AREL1: variants seen among roughly 807,000 people sequenced by gnomAD.
The protein encoded by AREL1 is apoptosis-resistant E3 ubiquitin protein ligase 1.
Under a neutral mutation model 99.0 loss-of-function variants are expected in AREL1, and 62 were observed. That is an observed-to-expected ratio of 0.63 (90% CI 0.51 to 0.77). AREL1 has a LOEUF of 0.77. AREL1 is among the 30% of genes least tolerant of loss of function. The pLI, the probability that AREL1 is intolerant of heterozygous loss-of-function variation, is 0.00. For missense variants in AREL1, 879 were observed against 1,027.6 expected, an observed-to-expected ratio of 0.86 and a Z score of 1.98; for synonymous variants, 380 against 376.5, an observed-to-expected ratio of 1.01 and a Z score of -0.11.
intron 8 of AREL1, among the ~76,000 whole-genome samples, chr14:74,674,613 T>TA (rs1381279155): frequency 4.6e-4 from 70 of 151,958 alleles, no homozygotes; most frequent in African/African-American, 1.6e-3. Context: ...AAAAATAAAA[T>TA]AAATAAAAAA....
intron 1 of AREL1, among the ~76,000 whole-genome samples, chr14:74,700,412 CAAAAAGAACTTCCAGAAGGGGGG>C (rs1171380339): frequency 4.6e-5 from 7 of 152,072 alleles, no homozygotes; most frequent in Non-Finnish European, 8.8e-5. Context: ...ACTGATGTAT[CAAAAAGAACTTCCAGAAGGGGGG>C]AAAAAGATAT....
chr14:74,662,481 A>G lies in AREL1; in HGVS notation c.*1239T>C. On this transcript the variant is annotated 3_prime_UTR_variant, in exon 20 of 20. Coordinates refer to ENST00000356357, the MANE Select transcript of AREL1 (RefSeq NM_001039479.2). ...ATTATTTTCAATCAAACAGTAATGA[A>G]AAAGGATGTTGTCATCTTCCAAGAT... The G allele has an allele frequency of 2.5e-6, 1 of 398,876 alleles. No individual in the cohort carries two copies. Among genetic ancestry groups the G allele is most frequent in the Non-Finnish European group, 4.4e-6 (1 of 225,990 alleles). The allele number at this position is 398,876 out of a possible 1,614,324, so 24.7% of individuals were successfully genotyped here. A position where few individuals can be genotyped will look rare whatever the true frequency, so the allele number is the denominator to read the frequency against.
intron 1 of AREL1, among the ~76,000 whole-genome samples, chr14:74,694,207 GC>G (rs1358279916): frequency 1.3e-5 from 2 of 151,552 alleles, no homozygotes; most frequent in Non-Finnish European, 2.9e-5. Flanking sequence ...AATAAATAAT[GC>G]CAACAGACTT....
chr14:74,677,692 A>G (rs2139896689), intron 5 of AREL1, among the ~76,000 whole-genome samples: 1 of 151,642 alleles, frequency 6.6e-6, no homozygotes, highest in East Asian at 1.9e-4. Flanking sequence ...TAGTAGAGAC[A>G]GCGTTTCACC....
chr14:74,700,560 C>T (rs1230135130), intron 1 of AREL1, among the ~76,000 whole-genome samples: 3 of 152,160 alleles, frequency 2.0e-5, no homozygotes, highest in East Asian at 1.9e-4. Context: ...AGGTGGATCA[C>T]GAGTTCAGGA....
chr14:74,698,348 T>C (rs2090013716), intron 1 of AREL1, among the ~76,000 whole-genome samples: 1 of 152,222 alleles, frequency 6.6e-6, no homozygotes, highest in Admixed American at 6.5e-5. Flanking sequence ...ACACGTGTCA[T>C]TTATCTTCTG....
chr14:74,677,830 A>G (rs1470567322), intron 5 of AREL1, among the ~76,000 whole-genome samples: 5 of 151,926 alleles, frequency 3.3e-5, no homozygotes, highest in East Asian at 3.8e-4. Context: ...AAAAAAAAAA[A>G]AGAGGAAAAA....
chr14:74,665,432 G>A (rs938673653), intron 17 of AREL1, among the ~76,000 whole-genome samples: 1 of 152,030 alleles, frequency 6.6e-6, no homozygotes, highest in Non-Finnish European at 1.5e-5. Context: ...TGCTACTATG[G>A]ATTATTTTTA....
At position 74,676,591 on chromosome 14, in the gene AREL1, T is replaced by C. The variant is rs959766998; in HGVS notation, c.643A>G (p.Ile215Val). The C allele has an allele frequency of 3.7e-6, 6 of 1,612,790 alleles. No individual in the cohort carries two copies. The Admixed American group carries it at 6.7e-5, about 18-fold the overall frequency. The change falls in exon 6 of 20, where the codon ATT becomes GTT. Residue 215 changes from isoleucine to valine, a missense_variant. Ile to Val is a conservative substitution (Grantham distance 29, BLOSUM62 3). Coordinates refer to ENST00000356357, the MANE Select transcript of AREL1 (RefSeq NM_001039479.2). ...LRDEHNYTLSIHELGPQEEES... is the reference protein window; with the variant it reads ...LRDEHNYTLSVHELGPQEEES... ...GAAGGGAGACTGCTTACCTCATGAA[T>C]GGACAAGGTGTAATTGTGCTCATCT...
rs1332525891 is a variant in AREL1, at chr14:74,664,576, A to G, written c.2193+260T>C. 2.8e-5 allele frequency among the ~76,000 whole-genome samples: 4 copies of G among 144,570 alleles called. No homozygotes were observed. In the East Asian group the frequency reaches 6.1e-4, roughly 22 times the overall value. The allele number at this position is 144,570 out of a possible 152,430, so 94.8% of individuals were successfully genotyped here. A position where few individuals can be genotyped will look rare whatever the true frequency, so the allele number is the denominator to read the frequency against. ...ATTCTCCTGCCTCAGCCTCTCGAGT[A>G]GCTGGGACTACAGGCATGTGCCACC... is the stretch of plus-strand genomic sequence containing the variant. On this transcript the variant is annotated intron_variant, in intron 18 of 19. Coordinates refer to ENST00000356357, the MANE Select transcript of AREL1 (RefSeq NM_001039479.2).
At chr14:74,687,763 T>A (rs945052330) in intron 2 of AREL1, among the ~76,000 whole-genome samples, 5 of 152,286 alleles carry the variant, frequency 3.3e-5, no homozygotes, top group Non-Finnish European at 7.4e-5. Context: ...TAATGATTAT[T>A]ACAATTATTA....
intron 17 of AREL1, among the ~76,000 whole-genome samples, chr14:74,666,488 T>C (rs956031065): frequency 1.3e-5 from 2 of 152,168 alleles, no homozygotes; most frequent in Non-Finnish European, 2.9e-5. Flanking sequence ...ATATACTATA[T>C]ACTGTTTTGG....
At position 74,667,598 on chromosome 14, in the gene AREL1, T is replaced by A. The variant is rs1380829277; in HGVS notation, c.1915-4A>T. ...CACCTGTCATGAGTTCTACAACCTG[T>A]AACAGGCAGCAAAAGACAGACAAGG... is the stretch of plus-strand genomic sequence containing the variant. On this transcript the variant is annotated splice_region_variant and splice_polypyrimidine_tract_variant and intron_variant, in intron 15 of 19. Transcript: ENST00000356357. The A allele has an allele frequency of 6.2e-7, 1 of 1,600,592 alleles. No individual in the cohort carries two copies.
At chr14:74,712,866 T>A in intron 1 of AREL1, 67 bp downstream of exon 1, 1 of 493,868 alleles carries the variant, frequency 2.0e-6, no homozygotes, top group Non-Finnish European at 3.8e-6. Flanking sequence ...TTTTCCTCCC[T>A]CTCTCTCTGG....
In AREL1 at chr14:74,683,507, G is replaced by A. The variant is rs1274084665; in HGVS notation, c.270C>T (p.Phe90=). The A allele has an allele frequency of 4.3e-6, 7 of 1,614,016 alleles. No individual in the cohort carries two copies. The highest frequency in any genetic ancestry group is 2.7e-5 in the African/African-American group (2 of 74,900). The change falls in exon 5 of 20, where the codon TTC becomes TTT. Residue 90 remains phenylalanine, a synonymous_variant. Coordinates refer to ENST00000356357, the MANE Select transcript of AREL1 (RefSeq NM_001039479.2). ...VHLFYKNGQP[F]PAHRPVGLRV... is the part of the protein sequence containing the mutation. Reference sequence around the variant, plus strand: ...TTAGTCCCACAGGCCGATGTGCAGGGAAAGGCTGCCCGTTCTTATAGAATA... The same window carrying A: ...TTAGTCCCACAGGCCGATGTGCAGGAAAAGGCTGCCCGTTCTTATAGAATA...
At position 74,667,483 on chromosome 14, in the gene AREL1, C is replaced by A. The variant is rs2089234802; in HGVS notation, c.2026G>T (p.Val676Leu). 3 of 1,613,470 alleles carry A rather than the reference C, an allele frequency of 1.9e-6. No individual in the cohort carries two copies. The highest frequency in any genetic ancestry group is 2.5e-6 in the Non-Finnish European group (3 of 1,179,596). The change falls in exon 16 of 20, where the codon GTG (valine) becomes TTG (leucine). Residue 676 changes from valine (V) to leucine (L), a missense_variant. Coordinates refer to ENST00000356357, the MANE Select transcript of AREL1 (RefSeq NM_001039479.2). ...YRLASQVKEE[V>L]EHFLKGLNEL... ...ATCCCACCTTTTAGGAAATGTTCCA[C>A]CTCCTCTTTCACTTGACTGGCCAGC...
At chr14:74,664,173 C>CACTTT in intron 18 of AREL1, 99 bp from the exon 19 acceptor site, 5 of 1,363,032 alleles carry the variant, frequency 3.7e-6, no homozygotes, top group Non-Finnish European at 5.0e-6. Context: ...GGCTGTGCCC[C>CACTTT]AGTTACCGTT....
At chr14:74,703,783 T>TA (rs2090128284) in intron 1 of AREL1, among the ~76,000 whole-genome samples, 1 of 152,194 alleles carries the variant, frequency 6.6e-6, no homozygotes, top group Non-Finnish European at 1.5e-5. Flanking sequence ...GTATCATAGA[T>TA]AAAGCTGCTA....
intron 2 of AREL1, among the ~76,000 whole-genome samples, chr14:74,690,875 C>T (rs2089863158): frequency 6.6e-6 from 1 of 152,118 alleles, no homozygotes. Context: ...CAGTGCTTTA[C>T]ATATGTTAAC....
Sources: allele counts gnomAD v4.1 joint callset (sites outside exome capture counted in the v4.1 genomes callset), GRCh38; gene constraint gnomAD v4.1.1; transcripts MANE v1.5; gene names NCBI Gene and HGNC (gene_info 2026-07-23, HGNC 2026-07-21).